The following MINDY4B variants were observed in gnomAD, a reference collection of about 807,000 sequenced individuals.
MINDY4B encodes the protein inactive ubiquitin carboxyl-terminal hydrolase MINDY-4B.
In MINDY4B, 25 loss-of-function variants were observed where a neutral mutation model predicts 16.7. The ratio of observed to expected loss-of-function variants is 1.49; its 90% CI spans 1.09 to 2.09. The LOEUF (loss-of-function observed/expected upper bound fraction) is 2.09, where lower values mean the gene tolerates loss of function less well. MINDY4B is among the 30% of genes most tolerant of loss of function. The pLI, the probability that MINDY4B is intolerant of heterozygous loss-of-function variation, is 0.00. For synonymous variants in MINDY4B, 132 were observed against 61.9 expected (o/e 2.13, Z -5.32); for missense variants, 327 against 168.4 (o/e 1.94, Z -5.21).
At chr3:150,894,405 C>G in intron 3 of MINDY4B, 100 bp from the exon 4 acceptor site, 2 of 586,480 alleles carry the variant, frequency 3.4e-6, no homozygotes, top group Non-Finnish European at 3.0e-6. Context: ...GGGCCTCGTT[C>G]CCTTCTACAT....
At chr3:150,882,874 G>T in intron 10 of MINDY4B, 23 bp downstream of exon 10, 1 of 689,510 alleles carries the variant, frequency 1.5e-6, no homozygotes, top group Non-Finnish European at 2.6e-6. Context: ...TGGTTGTGTG[G>T]TTGAGGACTG....
intron 10 of MINDY4B, among the ~76,000 whole-genome samples, chr3:150,881,759 A>G (rs756104830): frequency 6.6e-6 from 1 of 152,164 alleles, no homozygotes; most frequent in Non-Finnish European, 1.5e-5. Context: ...TTTTTCTATG[A>G]TGAACAAAGA....
intron 7 of MINDY4B, among the ~76,000 whole-genome samples, chr3:150,886,936 T>G (rs1267333245): frequency 6.6e-6 from 1 of 152,230 alleles, no homozygotes; most frequent in Non-Finnish European, 1.5e-5. Context: ...GGGTGATAAG[T>G]TCCATTATCC....
chr3:150,877,403 TGGCTGC>T (rs1244965515), intron 10 of MINDY4B, among the ~76,000 whole-genome samples: 2 of 152,316 alleles, frequency 1.3e-5, no homozygotes, highest in Admixed American at 6.5e-5. Flanking sequence ...GGAAAGGTAG[TGGCTGC>T]AGGGGTCTCC....
intron 4 of MINDY4B, among the ~76,000 whole-genome samples, chr3:150,893,696 T>TTTG (rs1491107329): frequency 1.9e-5 from 1 of 53,594 alleles, no homozygotes; most frequent in African/African-American, 4.8e-5. Flanking sequence ...AGTTTTTTTT[T>TTTG]GGGGGGGGGG....
Position 150,873,362 on chromosome 3 carries a change from G to T in MINDY4B, c.1065C>A (p.Gly355=), listed in dbSNP as rs1380700586. 1 of 702,362 alleles carries T rather than the reference G, an allele frequency of 1.4e-6. No homozygotes were observed. Among genetic ancestry groups the T allele is most frequent in the East Asian group, 2.7e-5 (1 of 37,288 alleles). 43.5% of individuals were successfully genotyped at this position (702,362 alleles called of 1,614,324 possible). Residue 355 remains glycine, a synonymous_variant, in exon 11 of 12, where the codon GGC becomes GGA. Coordinates refer to ENST00000465419, the MANE Select transcript of MINDY4B (RefSeq NM_001351281.2). ...GTAATTTGGGAGTCTTCAGCATGCT[G>T]CCCACCTGGAAAGGGGAAGGGGAAT... ...ASEDDRLSQV[G]SMLKTPKLPI...
At chr3:150,893,526 C>T (rs1711873355) in intron 4 of MINDY4B, 111 bp from the exon 5 acceptor site, 3 of 681,756 alleles carry the variant, frequency 4.4e-6, no homozygotes, top group South Asian at 1.5e-5. Context: ...TGTGAAGGGA[C>T]ACCATGCTAT....
chr3:150,896,068 G>T (rs145149805), intron 3 of MINDY4B, among the ~76,000 whole-genome samples: 12 of 151,882 alleles, frequency 7.9e-5, no homozygotes, highest in African/African-American at 2.9e-4. Flanking sequence ...TCATATTTTC[G>T]GATTCTTTTT....
chr3:150,900,058 T>C lies in MINDY4B; in HGVS notation c.309+3191A>G, dbSNP rs1456270589. ...GTGGGAGAAGGTGGGAAACTGCCAC[T>C]GGAGAGAAGGAAGGTCATTAGGTGG... On this transcript the variant is annotated intron_variant, in intron 3 of 11. Coordinates refer to ENST00000465419, the MANE Select transcript of MINDY4B (RefSeq NM_001351281.2). Among the ~76,000 whole-genome samples the C allele has an allele frequency of 2.6e-5, 4 of 152,168 alleles. No homozygotes were observed. The East Asian group carries it at 7.7e-4, about 29-fold the overall frequency.
intron 10 of MINDY4B, among the ~76,000 whole-genome samples, chr3:150,877,301 G>T (rs1711498146): frequency 6.6e-6 from 1 of 152,008 alleles, no homozygotes; most frequent in South Asian, 2.1e-4. Context: ...CTTCAGATTT[G>T]TTGCACCTAC....
chr3:150,875,365 T>G (rs746185782), intron 10 of MINDY4B, among the ~76,000 whole-genome samples: 91 of 152,208 alleles, frequency 6.0e-4, no homozygotes, highest in Non-Finnish European at 2.8e-4. Context: ...ACTAGGAGAT[T>G]GAGAGCTGTT....
At chr3:150,899,423 A>G (rs1209755715) in intron 3 of MINDY4B, among the ~76,000 whole-genome samples, 1 of 152,242 alleles carries the variant, frequency 6.6e-6, no homozygotes, top group Non-Finnish European at 1.5e-5. Flanking sequence ...GCAGTGTCCC[A>G]GCAACAGTGG....
chr3:150,879,134 T>C (rs7641220), intron 10 of MINDY4B, among the ~76,000 whole-genome samples: 4,934 of 152,302 alleles, frequency 0.032, 263 homozygotes, highest in African/African-American at 0.11. Context: ...ACCTTTCTAA[T>C]ACTGATTGAA....
intron 3 of MINDY4B, among the ~76,000 whole-genome samples, chr3:150,901,942 C>T (rs1450920359): frequency 6.6e-6 from 1 of 151,914 alleles, no homozygotes; most frequent in South Asian, 2.1e-4. Context: ...ATGATAAAAA[C>T]GAATCCAGGG....
intron 3 of MINDY4B, 59 bp from the exon 4 acceptor site, chr3:150,894,364 C>T: frequency 1.6e-6 from 1 of 633,254 alleles, no homozygotes; most frequent in Non-Finnish European, 2.8e-6. Flanking sequence ...ACATATTCCT[C>T]ATGGTGGCCT....
chr3:150,903,036 TC>T (rs749794194), intron 3 of MINDY4B, among the ~76,000 whole-genome samples: 1 of 152,190 alleles, frequency 6.6e-6, no homozygotes, highest in Non-Finnish European at 1.5e-5. Context: ...AAAGAGAGAC[TC>T]AGAGTTTGGG....
intron 8 of MINDY4B, among the ~76,000 whole-genome samples, chr3:150,884,659 A>G (rs374315160): frequency 2.6e-5 from 4 of 152,184 alleles, no homozygotes; most frequent in East Asian, 1.9e-4. Flanking sequence ...ATGGCGGTAT[A>G]TAAAAGACAA....
intron 5 of MINDY4B, 87 bp downstream of exon 5, chr3:150,893,237 A>G (rs531582452): frequency 1.5e-6 from 1 of 688,300 alleles, no homozygotes; most frequent in Non-Finnish European, 2.7e-6. Flanking sequence ...CCTTTCTGAG[A>G]CAACCTGAAT....
chr3:150,885,515 G>T, intron 7 of MINDY4B, 77 bp from the exon 8 acceptor site: 1 of 685,540 alleles, frequency 1.5e-6, no homozygotes, highest in Non-Finnish European at 2.6e-6. Flanking sequence ...TGAATTCAAG[G>T]ATTTACAGGC....
Sources: gnomAD v4.1 joint callset for allele counts (sites outside exome capture counted in the v4.1 genomes callset) on GRCh38, gnomAD v4.1.1 for gene constraint, MANE v1.5 for transcripts, NCBI Gene and HGNC (gene_info 2026-07-23, HGNC 2026-07-21) for gene names.